The following NRG4 variants were observed in gnomAD, a reference collection of about 807,000 sequenced individuals.
The protein encoded by NRG4 is neuregulin 4, also known as pro-neuregulin-4, membrane-bound isoform.
A neutral mutation model predicts 15.0 loss-of-function variants in NRG4; 10 were observed. That is an observed-to-expected ratio of 0.67 (90% CI 0.41 to 1.13). NRG4 has a LOEUF of 1.13. NRG4 is among the 50% of genes most tolerant of loss of function. The pLI is 0.00. For synonymous variants in NRG4, 41 were observed against 50.1 expected (o/e 0.82, Z 0.77); for missense variants, 139 against 140.2 (o/e 0.99, Z 0.04).
At chr15:75,998,373 T>C (rs1057349067) in intron 3 of NRG4, among the ~76,000 whole-genome samples, 1 of 152,116 alleles carries the variant, frequency 6.6e-6, no homozygotes, top group Non-Finnish European at 1.5e-5. Context: ...GGAGGCATCA[T>C]TGAAAGATTG....
chr15:75,981,934 A>T (rs1266157928), intron 3 of NRG4, among the ~76,000 whole-genome samples: 1 of 152,058 alleles, frequency 6.6e-6, no homozygotes, highest in Admixed American at 6.6e-5. Flanking sequence ...CAAAAAAAAA[A>T]TCACCCCCAA....
Position 76,008,089 on chromosome 15 carries a change from AAATT to A in NRG4, c.104+1107_104+1110del, listed in dbSNP as rs1431286583. 1.7e-4 allele frequency among the ~76,000 whole-genome samples: 26 copies of A among 152,232 alleles called. 1 individual carries two copies. The highest frequency in any genetic ancestry group is 1.4e-3 in the Admixed American group (22 of 15,280). On this transcript the variant is annotated intron_variant, in intron 3 of 5. Coordinates refer to ENST00000394907, the MANE Select transcript of NRG4 (RefSeq NM_138573.4). ...ATTTCACAGGTACAAACACTTGTCA[AAATT>A]AATCCATTTTGCACTTTAAATGAAT...
intron 5 of NRG4, among the ~76,000 whole-genome samples, chr15:76,020,960 A>C (rs897707964): frequency 1.3e-5 from 2 of 152,258 alleles, no homozygotes; most frequent in Non-Finnish European, 2.9e-5. Flanking sequence ...TGGTTACACT[A>C]AACAGATTTT....
intron 5 of NRG4, 144 bp from the exon 6 acceptor site, chr15:75,943,798 C>T (rs1278433157): frequency 3.5e-6 from 2 of 573,026 alleles, no homozygotes; most frequent in Non-Finnish European, 6.2e-6. Flanking sequence ...GTAAACTAAC[C>T]TAGAATATCA....
chr15:75,972,768 C>T (rs933046028), intron 3 of NRG4, among the ~76,000 whole-genome samples: 4 of 152,166 alleles, frequency 2.6e-5, no homozygotes, highest in Non-Finnish European at 4.4e-5. Context: ...GTTTTGGTTA[C>T]TGTAGCCTTA....
chr15:75,994,366 TG>T (rs1410873665), intron 3 of NRG4, among the ~76,000 whole-genome samples: 1 of 151,996 alleles, frequency 6.6e-6, no homozygotes, highest in Non-Finnish European at 1.5e-5. Context: ...CCAGCTGTGG[TG>T]ACTGCCTGCA....
At chr15:75,979,575 T>C (rs2033520814) in intron 3 of NRG4, among the ~76,000 whole-genome samples, 1 of 152,162 alleles carries the variant, frequency 6.6e-6, no homozygotes, top group African/African-American at 2.4e-5. Flanking sequence ...ATTTCCAGCT[T>C]TAATCATAAC....
rs141706753 is a variant in NRG4, at chr15:75,973,900, G to A, written c.105-11926C>T. On this transcript the variant is annotated intron_variant, in intron 3 of 5. Coordinates refer to ENST00000394907, the MANE Select transcript of NRG4 (RefSeq NM_138573.4). ...GCCTCATAAAATGATTTAGGGAGGA[G>A]TCCCTCTTTTTCTATTGCTTGAAAT... 2.4e-4 allele frequency among the ~76,000 whole-genome samples: 36 copies of A among 152,256 alleles called. No homozygotes were observed. In the East Asian group the frequency reaches 6.4e-3, roughly 27 times the overall value.
chr15:76,038,438 C>G (rs1352528757), intron 4 of NRG4, among the ~76,000 whole-genome samples: 2 of 152,178 alleles, frequency 1.3e-5, no homozygotes, highest in Non-Finnish European at 2.9e-5. Context: ...ACTGAAGAGC[C>G]CTCAGGCCTT....
chr15:76,022,296 C>T (rs1266410310), intron 5 of NRG4, among the ~76,000 whole-genome samples: 2 of 152,140 alleles, frequency 1.3e-5, no homozygotes, highest in African/African-American at 4.8e-5. Context: ...ATGAGGAATG[C>T]CAGACACAAA....
chr15:75,961,789 G>A (rs762551236), intron 4 of NRG4, 39 bp downstream of exon 4: 4 of 1,462,040 alleles, frequency 2.7e-6, no homozygotes, highest in East Asian at 4.5e-5. Flanking sequence ...ACTACTTTAT[G>A]TATTACTTTT....
intron 5 of NRG4, among the ~76,000 whole-genome samples, chr15:76,033,978 T>G (rs181089116): frequency 6.6e-6 from 1 of 152,362 alleles, no homozygotes; most frequent in East Asian, 1.9e-4. Flanking sequence ...CAATAGTGTC[T>G]GTCACAGTCC....
chr15:75,960,720 A>T (rs912694958), intron 4 of NRG4, among the ~76,000 whole-genome samples: 5 of 152,002 alleles, frequency 3.3e-5, no homozygotes, highest in African/African-American at 1.2e-4. Flanking sequence ...AATAAACTCT[A>T]CCTCTTGATG....
chr15:75,945,213 G>A (rs2031416100), intron 5 of NRG4, among the ~76,000 whole-genome samples: 1 of 151,296 alleles, frequency 6.6e-6, no homozygotes, highest in African/African-American at 2.4e-5. Flanking sequence ...TTAACACCAC[G>A]ATAAATTTAA....
chr15:75,969,376 A>C (rs1250611108), intron 3 of NRG4, among the ~76,000 whole-genome samples: 3 of 152,256 alleles, frequency 2.0e-5, no homozygotes, highest in African/African-American at 7.2e-5. Flanking sequence ...AAAGACAGTA[A>C]TCAAAAGGAT....
chr15:75,966,873 G>A (rs1281431024), intron 3 of NRG4, among the ~76,000 whole-genome samples: 4 of 152,088 alleles, frequency 2.6e-5, no homozygotes, highest in African/African-American at 9.7e-5. Context: ...TTCCAGCAAT[G>A]TGGGAGGCCA....
Position 75,994,928 on chromosome 15 carries a change from C to T in NRG4, c.104+14272G>A, listed in dbSNP as rs111919071. On this transcript the variant is annotated intron_variant, in intron 3 of 5. Transcript: ENST00000394907. Reference sequence around the variant, plus strand: ...GTGGCTTATGCCTGTAATCCCAGAACTTTGGGAGGCCAAGGGAGGAGGATT... The same window carrying T: ...GTGGCTTATGCCTGTAATCCCAGAATTTTGGGAGGCCAAGGGAGGAGGATT... 9.9e-3 allele frequency among the ~76,000 whole-genome samples: 1,507 copies of T among 152,152 alleles called. 28 individuals carry two copies. Among genetic ancestry groups the T allele is most frequent in the African/African-American group, 0.034 (1,392 of 41,488 alleles).
intron 3 of NRG4, among the ~76,000 whole-genome samples, chr15:75,970,881 G>A (rs1188066549): frequency 6.6e-6 from 1 of 152,174 alleles, no homozygotes; most frequent in Non-Finnish European, 1.5e-5. Flanking sequence ...TGTCTAAGTG[G>A]GCCAAGAAGT....
chr15:76,027,497 AAT>A (rs71444947), intron 5 of NRG4, among the ~76,000 whole-genome samples: 41,459 of 148,258 alleles, frequency 0.28, 5,890 homozygotes, highest in East Asian at 0.41. Flanking sequence ...ATAACAGTCA[AAT>A]ATATATATAT....
Sources: allele counts gnomAD v4.1 joint callset (sites outside exome capture counted in the v4.1 genomes callset), GRCh38; gene constraint gnomAD v4.1.1; transcripts MANE v1.5; gene names NCBI Gene and HGNC (gene_info 2026-07-23, HGNC 2026-07-21).